Variants in PRMT8 observed in about 807,000 individuals in gnomAD.
PRMT8 encodes protein arginine methyltransferase 8, also known as protein arginine N-methyltransferase 8.
A neutral mutation model predicts 47.1 loss-of-function variants in PRMT8; 7 were observed. The observed-to-expected ratio is 0.15, with a 90% CI of 0.08 to 0.28. PRMT8 has a LOEUF of 0.28. Ranked by LOEUF, PRMT8 falls within the 10% of genes least tolerant of loss-of-function variation. The probability of loss-of-function intolerance (pLI) is 1.00; values close to 1 mark genes in which losing one functional copy is unlikely to be tolerated. For synonymous variants in PRMT8, 188 were observed against 186.5 expected (o/e 1.01, Z -0.07); for missense variants, 237 against 505.4 (o/e 0.47, Z 5.09).
At position 3,583,660 on chromosome 12, in the gene PRMT8, C is replaced by A. The variant is rs995122292; in HGVS notation, c.979+452C>A. Among the ~76,000 whole-genome samples, 1 of 152,220 alleles carries A rather than the reference C, an allele frequency of 6.6e-6. No individual in the cohort carries two copies. The highest frequency in any genetic ancestry group is 2.4e-5 in the African/African-American group (1 of 41,450). Reference sequence around the variant, plus strand: ...CCTTCCCTTCTCCCTTACTTTCACACCAACCCATCCTTCATTAAATCTCTG... The same window carrying A: ...CCTTCCCTTCTCCCTTACTTTCACAACAACCCATCCTTCATTAAATCTCTG... On this transcript the variant is annotated intron_variant, in intron 8 of 9. Coordinates refer to ENST00000382622, the MANE Select transcript of PRMT8 (RefSeq NM_019854.5). This position sits in a 1 kb window ranked among gnomAD's most constrained non-coding sequence, Gnocchi z 4.7.
At chr12:3,411,494 C>A (rs1864429365) in intron 1 of PRMT8, among the ~76,000 whole-genome samples, 1 of 152,164 alleles carries the variant, frequency 6.6e-6, no homozygotes. Flanking sequence ...TTCAACAATA[C>A]AAAATTCTTC....
rs1383255693 is a variant in PRMT8 at position 3,572,649 on chromosome 12, T to A, written c.712+3085T>A. ...GGTTCCAGCCCATTTTATGCAAGGATTCCACTTTCTTCATGAGAGCCTAAA... is the reference window on the plus strand; with the variant it reads ...GGTTCCAGCCCATTTTATGCAAGGAATCCACTTTCTTCATGAGAGCCTAAA... On this transcript the variant is annotated intron_variant, in intron 6 of 9. Transcript: ENST00000382622. The surrounding 1 kb of genome is among the most constrained non-coding windows in gnomAD (Gnocchi z 5.9). Among the ~76,000 whole-genome samples, 1 of 152,228 alleles carries A rather than the reference T, an allele frequency of 6.6e-6. No homozygotes were observed. The highest frequency in any genetic ancestry group is 1.5e-5 in the Non-Finnish European group (1 of 68,044).
chr12:3,434,334 A>C (rs1864715061), intron 1 of PRMT8, among the ~76,000 whole-genome samples: 1 of 152,158 alleles, frequency 6.6e-6, no homozygotes, highest in Admixed American at 6.5e-5. Flanking sequence ...GAAAATGCAG[A>C]TTTTGTCAAT....
chr12:3,491,864 G>A lies in PRMT8; in HGVS notation c.75+164G>A, dbSNP rs867057197. ...TGTGTGTGTGTGTGTGTGTGTGTGT[G>A]TGTGTGTGTGTGTGTGTGTGTGTGT... On this transcript the variant is annotated intron_variant, in intron 1 of 9. Coordinates refer to ENST00000382622, the MANE Select transcript of PRMT8 (RefSeq NM_019854.5). Among the ~76,000 whole-genome samples, 128 of 115,930 alleles carry A rather than the reference G, an allele frequency of 1.1e-3. 4 individuals are homozygous for A. The highest frequency in any genetic ancestry group is 2.8e-3 in the South Asian group (8 of 2,878). 76.1% of individuals were successfully genotyped at this position (115,930 alleles called of 152,430 possible).
intron 1 of PRMT8, among the ~76,000 whole-genome samples, chr12:3,467,821 A>G (rs1039365014): frequency 2.0e-5 from 3 of 152,248 alleles, no homozygotes; most frequent in Non-Finnish European, 4.4e-5. Flanking sequence ...ACGCACCTGA[A>G]GCGAAGCGAA....
intron 1 of PRMT8, among the ~76,000 whole-genome samples, chr12:3,455,620 C>T (rs993198521): frequency 6.6e-6 from 1 of 152,184 alleles, no homozygotes; most frequent in African/African-American, 2.4e-5. Context: ...GCTCTCTGGG[C>T]TCGGTCCTGG....
At chr12:3,443,868 C>G (rs1864829955) in intron 1 of PRMT8, among the ~76,000 whole-genome samples, 1 of 152,166 alleles carries the variant, frequency 6.6e-6, no homozygotes, top group Non-Finnish European at 1.5e-5. Context: ...GTGTCTGTCC[C>G]CCAAGTTTGT....
intron 1 of PRMT8, among the ~76,000 whole-genome samples, chr12:3,433,306 A>G (rs948220784): frequency 2.6e-5 from 4 of 152,266 alleles, no homozygotes; most frequent in Non-Finnish European, 4.4e-5. Flanking sequence ...GAGAGCTTTG[A>G]CAGACATACC....
chr12:3,581,262 C>T (rs557055749), intron 7 of PRMT8, among the ~76,000 whole-genome samples: 20 of 152,212 alleles, frequency 1.3e-4, no homozygotes, highest in African/African-American at 4.1e-4. Flanking sequence ...GAATAAAAAG[C>T]CAGAGATAGC....
intron 1 of PRMT8, among the ~76,000 whole-genome samples, chr12:3,497,787 A>G (rs1865531756): frequency 6.6e-6 from 1 of 152,210 alleles, no homozygotes; most frequent in Admixed American, 6.5e-5. Flanking sequence ...CTCTTTTTAA[A>G]GTGTAATTTT....
chr12:3,492,004 C>T lies in PRMT8; in HGVS notation c.75+304C>T, dbSNP rs1371371102. On this transcript the variant is annotated intron_variant, in intron 1 of 9. Transcript: ENST00000382622. This position sits in a 1 kb window ranked among gnomAD's most constrained non-coding sequence, Gnocchi z 7.5. ...CCACCCGCTGCTCCCTTCTCCCGCC[C>T]CCAAGTCCCAAACCCCGGGCAGCCG... 2.0e-5 allele frequency among the ~76,000 whole-genome samples: 3 copies of T among 152,002 alleles called. No individual in the cohort carries two copies. The highest frequency in any genetic ancestry group is 4.4e-5 in the Non-Finnish European group (3 of 67,990).
chr12:3,457,788 A>AC (rs976705736), intron 1 of PRMT8, among the ~76,000 whole-genome samples: 4 of 149,290 alleles, frequency 2.7e-5, no homozygotes, highest in East Asian at 2.0e-4. Flanking sequence ...AAGATCTGCA[A>AC]CCCCCCATCT....
At position 3,572,848 on chromosome 12, in the gene PRMT8, C is replaced by A. The variant is rs1409862003; in HGVS notation, c.712+3284C>A. 6.6e-6 allele frequency among the ~76,000 whole-genome samples: 1 copy of A among 152,192 alleles called. No individual in the cohort carries two copies. The highest frequency in any genetic ancestry group is 2.4e-5 in the African/African-American group (1 of 41,436). On this transcript the variant is annotated intron_variant, in intron 6 of 9. Transcript: ENST00000382622. This position sits in a 1 kb window ranked among gnomAD's most constrained non-coding sequence, Gnocchi z 5.9. ...GTGGTGAGGGAGGATGTAGCTACAGCTCTCTGCAATCAGAAATCACATTTC... is the reference window on the plus strand; with the variant it reads ...GTGGTGAGGGAGGATGTAGCTACAGATCTCTGCAATCAGAAATCACATTTC...
intron 8 of PRMT8, 125 bp from the exon 9 acceptor site, chr12:3,592,106 G>C (rs544985234): frequency 9.3e-7 from 1 of 1,078,990 alleles, no homozygotes; most frequent in Admixed American, 2.9e-5. Context: ...AGAGTACTGG[G>C]GTGGGTGGTT....
intron 1 of PRMT8, among the ~76,000 whole-genome samples, chr12:3,528,441 C>T (rs1040762724): frequency 2.0e-5 from 3 of 152,174 alleles, no homozygotes. Flanking sequence ...TGCTATTAAC[C>T]TCAATCAGTG....
intron 1 of PRMT8, among the ~76,000 whole-genome samples, chr12:3,398,769 A>T (rs1050701343): frequency 1.3e-5 from 2 of 152,214 alleles, no homozygotes; most frequent in Non-Finnish European, 1.5e-5. Context: ...ATTACTGTTT[A>T]GCCTGGAAGC....
intron 1 of PRMT8, among the ~76,000 whole-genome samples, chr12:3,439,501 T>C (rs1419398125): frequency 1.3e-5 from 2 of 152,228 alleles, no homozygotes; most frequent in African/African-American, 4.8e-5. Flanking sequence ...ATGACTCCCT[T>C]ATTTCTCTGA....
chr12:3,421,015 C>T (rs1008530277), intron 1 of PRMT8, among the ~76,000 whole-genome samples: 8 of 152,170 alleles, frequency 5.3e-5, no homozygotes, highest in African/African-American at 1.9e-4. Flanking sequence ...TCAGGCATTC[C>T]ACTGGGAGGA....
chr12:3,585,532 A>ATT (rs5796061), intron 8 of PRMT8, among the ~76,000 whole-genome samples: 186 of 140,360 alleles, frequency 1.3e-3, no homozygotes, highest in Admixed American at 2.5e-3. Context: ...ATACTTTTTA[A>ATT]TTTTTTTTTT....
Sources: allele counts gnomAD v4.1 joint callset (sites outside exome capture counted in the v4.1 genomes callset), GRCh38; gene constraint gnomAD v4.1.1; non-coding constraint Gnocchi (gnomAD v3.1); transcripts MANE v1.5; gene names NCBI Gene and HGNC (gene_info 2026-07-23, HGNC 2026-07-21).